The following PRKCB variants were observed in gnomAD, a reference collection of about 807,000 sequenced individuals.
The protein encoded by PRKCB is protein kinase C beta type.
A neutral mutation model predicts 81.5 loss-of-function variants in PRKCB; 13 were observed. The ratio of observed to expected loss-of-function variants is 0.16; its 90% confidence interval spans 0.10 to 0.25. PRKCB has a LOEUF of 0.25. Ranked by LOEUF, PRKCB falls within the 10% of genes least tolerant of loss-of-function variation. The probability of loss-of-function intolerance (pLI) is 1.00; values close to 1 mark genes in which losing one functional copy is unlikely to be tolerated. For synonymous variants in PRKCB, 335 were observed against 321.4 expected (o/e 1.04, Z -0.45); for missense variants, 509 against 875.7 (o/e 0.58, Z 5.29).
At chr16:23,972,314 G>A (rs914231234) in intron 2 of PRKCB, among the ~76,000 whole-genome samples, 1 of 152,148 alleles carries the variant, frequency 6.6e-6, no homozygotes, top group Middle Eastern at 3.2e-3. Context: ...CTCAATTTTG[G>A]TGGTACATGC....
chr16:23,919,966 G>A (rs77380151), intron 2 of PRKCB, among the ~76,000 whole-genome samples: 3,198 of 152,274 alleles, frequency 0.021, 43 homozygotes, highest in Middle Eastern at 0.085. Context: ...GAACAGGAGT[G>A]TACAAATATC....
rs1377066105 is a variant in PRKCB at position 23,882,776 on chromosome 16, T to G, written c.205+45370T>G. Among the ~76,000 whole-genome samples the G allele has an allele frequency of 4.7e-4, 62 of 131,636 alleles. 1 individual carries two copies. In the East Asian group the frequency reaches 0.013, roughly 28 times the overall value. 86.4% of individuals were successfully genotyped at this position (131,636 alleles called of 152,430 possible). ...TTTTTTTTTTTTTTTTTTGTAGAGA[T>G]GGGGTCTCCCTATGTTGGCCAGGCT... On this transcript the variant is annotated intron_variant, in intron 2 of 16. Transcript: ENST00000643927.
At chr16:24,060,676 G>A (rs1391595586) in intron 5 of PRKCB, among the ~76,000 whole-genome samples, 1 of 152,216 alleles carries the variant, frequency 6.6e-6, no homozygotes, top group African/African-American at 2.4e-5. Flanking sequence ...GCAGCTCACA[G>A]TCTATGATTG....
chr16:24,071,991 T>A lies in PRKCB; in HGVS notation c.530-20800T>A, dbSNP rs74625933. 2.7e-3 allele frequency among the ~76,000 whole-genome samples: 414 copies of A among 152,178 alleles called. 3 individuals are homozygous for A. The highest frequency in any genetic ancestry group is 4.1e-3 in the Non-Finnish European group (281 of 68,020). ...AGGGTGCCCAATTCAGTTTGCTACT[T>A]GTTTATGGGCTGATTGCAATTTGGA... On this transcript the variant is annotated intron_variant, in intron 5 of 16. Coordinates refer to ENST00000643927, the MANE Select transcript of PRKCB (RefSeq NM_002738.7).
intron 7 of PRKCB, among the ~76,000 whole-genome samples, chr16:24,107,525 G>C (rs1268224714): frequency 6.6e-6 from 1 of 152,146 alleles, no homozygotes; most frequent in Non-Finnish European, 1.5e-5. Context: ...GTCCATAACA[G>C]GCACCCCTCA....
intron 2 of PRKCB, among the ~76,000 whole-genome samples, chr16:23,972,655 G>A (rs1166763891): frequency 2.0e-5 from 3 of 152,168 alleles, no homozygotes; most frequent in Non-Finnish European, 4.4e-5. Context: ...TGGTGAGAAG[G>A]TTTTGTCTTG....
chr16:24,052,228 A>C (rs551245022), intron 5 of PRKCB, among the ~76,000 whole-genome samples: 3 of 152,236 alleles, frequency 2.0e-5, no homozygotes, highest in Non-Finnish European at 4.4e-5. Context: ...CATCAGAATC[A>C]TCTAGAGAGT....
intron 2 of PRKCB, among the ~76,000 whole-genome samples, chr16:23,953,078 C>A (rs185280134): frequency 6.6e-6 from 1 of 152,146 alleles, no homozygotes; most frequent in Non-Finnish European, 1.5e-5. Flanking sequence ...CATCATGCCA[C>A]CCCAATGAGG....
rs558493306 is a variant in PRKCB, at chr16:24,204,482, C to T, written c.1864-10176C>T. Among the ~76,000 whole-genome samples the T allele has an allele frequency of 3.3e-5, 5 of 152,246 alleles. No homozygotes were observed. In the East Asian group the frequency reaches 7.7e-4, roughly 24 times the overall value. On this transcript the variant is annotated intron_variant, in intron 16 of 16. Coordinates refer to ENST00000643927, the MANE Select transcript of PRKCB (RefSeq NM_002738.7). ...GATAATCCTTTTCCTGCCTATCTCA[C>T]AGCCTTGTGGGAATCAAAGCTATAA...
Position 23,889,872 on chromosome 16 carries a change from C to T in PRKCB, c.205+52466C>T, listed in dbSNP as rs573096359. 1.2e-3 allele frequency among the ~76,000 whole-genome samples: 180 copies of T among 152,308 alleles called. 2 individuals are homozygous for T. The highest frequency in any genetic ancestry group is 4.1e-3 in the African/African-American group (172 of 41,574). On this transcript the variant is annotated intron_variant, in intron 2 of 16. Coordinates refer to ENST00000643927, the MANE Select transcript of PRKCB (RefSeq NM_002738.7). Reference sequence around the variant, plus strand: ...ATCATCTATCTATTTACAATAATTCCAGTCTCATTTTATTTCCCTTCCCTT... The same window carrying T: ...ATCATCTATCTATTTACAATAATTCTAGTCTCATTTTATTTCCCTTCCCTT...
Position 24,109,942 on chromosome 16 carries a change from C to T in PRKCB, c.822-3031C>T, listed in dbSNP as rs1006950122. ...CAACACAGCGAAACCCCGTCTCCAC[C>T]AAAACCAGTCAGGCGTGGCGGCACG... On this transcript the variant is annotated intron_variant, in intron 7 of 16. Coordinates refer to ENST00000643927, the MANE Select transcript of PRKCB (RefSeq NM_002738.7). Among the ~76,000 whole-genome samples the T allele has an allele frequency of 4.7e-5, 6 of 126,494 alleles. No individual in the cohort carries two copies. The East Asian group carries it at 8.2e-4, about 17-fold the overall frequency. The allele number at this position is 126,494 out of a possible 152,430, so 83.0% of individuals were successfully genotyped here.
At chr16:23,929,944 C>T (rs551764431) in intron 2 of PRKCB, among the ~76,000 whole-genome samples, 1 of 151,858 alleles carries the variant, frequency 6.6e-6, no homozygotes, top group African/African-American at 2.4e-5. Context: ...GTGACTCTTC[C>T]CCCGGGACCC....
intron 3 of PRKCB, among the ~76,000 whole-genome samples, chr16:24,029,666 TA>T (rs57342118): frequency 0.4 from 61,373 of 152,024 alleles, 12,715 homozygotes; most frequent in South Asian, 0.62. Context: ...CTCATCACAT[TA>T]ACAGCACATA....
At chr16:24,101,848 G>T (rs1178967428) in intron 7 of PRKCB, among the ~76,000 whole-genome samples, 2 of 152,226 alleles carry the variant, frequency 1.3e-5, no homozygotes, top group Non-Finnish European at 2.9e-5. Context: ...TAAGAATAGG[G>T]ATAGTGTATC....
At chr16:24,100,265 C>T (rs553208775) in intron 7 of PRKCB, among the ~76,000 whole-genome samples, 6 of 151,794 alleles carry the variant, frequency 4.0e-5, no homozygotes, top group Non-Finnish European at 5.9e-5. Context: ...TCCTCTTGGC[C>T]GAGGAGGGGG....
intron 5 of PRKCB, among the ~76,000 whole-genome samples, chr16:24,073,387 G>A (rs9938293): frequency 0.35 from 53,357 of 152,036 alleles, 10,508 homozygotes; most frequent in African/African-American, 0.54. Context: ...GCTGGAGTAC[G>A]GTGGTACAAT....
rs1172991702 is a variant in PRKCB at position 24,014,841 on chromosome 16, T to A, written c.289-17295T>A. Among the ~76,000 whole-genome samples the A allele has an allele frequency of 2.0e-5, 3 of 152,332 alleles. No homozygotes were observed. In the East Asian group the frequency reaches 5.8e-4, roughly 29 times the overall value. On this transcript the variant is annotated intron_variant, in intron 3 of 16. Transcript: ENST00000643927. Reference sequence around the variant, plus strand: ...AGAGTCTTGCTCTTGTCACCCAGGCTGGAGTGCAATGGCATGATCTCGGCT... The same window carrying A: ...AGAGTCTTGCTCTTGTCACCCAGGCAGGAGTGCAATGGCATGATCTCGGCT...
intron 2 of PRKCB, among the ~76,000 whole-genome samples, chr16:23,973,558 T>A (rs559411710): frequency 6.6e-6 from 1 of 152,184 alleles, no homozygotes; most frequent in South Asian, 2.1e-4. Flanking sequence ...TATTCCTACT[T>A]TATGGTTGAA....
chr16:24,015,753 G>A (rs1965269640), intron 3 of PRKCB, among the ~76,000 whole-genome samples: 1 of 152,178 alleles, frequency 6.6e-6, no homozygotes, highest in Non-Finnish European at 1.5e-5. Flanking sequence ...ATTGGTTTAT[G>A]CTTCTTTATT....
Sources: allele counts gnomAD v4.1 joint callset (sites outside exome capture counted in the v4.1 genomes callset), GRCh38; gene constraint gnomAD v4.1.1; transcripts MANE v1.5; gene names NCBI Gene and HGNC (gene_info 2026-07-23, HGNC 2026-07-21).